Variants in C1orf21 observed in about 807,000 individuals in gnomAD.
The protein encoded by C1orf21 is chromosome 1 open reading frame 21.
A neutral mutation model predicts 18.7 loss-of-function variants in C1orf21; 3 were observed. That is an observed-to-expected ratio of 0.16 (90% CI 0.07 to 0.42). The LOEUF (loss-of-function observed/expected upper bound fraction) is 0.42. Ranked by LOEUF, C1orf21 falls within the 10% of genes least tolerant of loss-of-function variation. C1orf21 has a pLI of 0.99. For synonymous variants in C1orf21, 41 were observed against 46.4 expected, an observed-to-expected ratio of 0.88 and a Z score of 0.47; for missense variants, 104 against 143.6, an observed-to-expected ratio of 0.72 and a Z score of 1.41.
At chr1:184,467,237 A>T (rs1251211235) in intron 1 of C1orf21, among the ~76,000 whole-genome samples, 2 of 152,174 alleles carry the variant, frequency 1.3e-5, no homozygotes, top group African/African-American at 4.8e-5. Context: ...TTGCAGACCT[A>T]CTATGAGCCT....
At chr1:184,454,521 C>T (rs972189287) in intron 1 of C1orf21, among the ~76,000 whole-genome samples, 4 of 152,184 alleles carry the variant, frequency 2.6e-5, no homozygotes, top group Non-Finnish European at 5.9e-5. Context: ...AAACTGTGGT[C>T]CCTGATGTTG....
intron 4 of C1orf21, among the ~76,000 whole-genome samples, chr1:184,596,897 GA>G (rs1439419428): frequency 3.3e-5 from 5 of 150,324 alleles, no homozygotes; most frequent in Non-Finnish European, 5.9e-5. Flanking sequence ...AAGAAAGAAA[GA>G]AAAGAAAAGA....
intron 5 of C1orf21, among the ~76,000 whole-genome samples, chr1:184,614,713 G>T (rs1659792169): frequency 1.3e-5 from 2 of 152,200 alleles, no homozygotes; most frequent in Admixed American, 1.3e-4. Context: ...CAACAAGATG[G>T]TCCCATCTGG....
chr1:184,601,590 G>A (rs1659585177), intron 5 of C1orf21, among the ~76,000 whole-genome samples: 1 of 152,154 alleles, frequency 6.6e-6, no homozygotes, highest in Admixed American at 6.5e-5. Flanking sequence ...TAAAAAGCAG[G>A]TAGCAGAAAT....
intron 1 of C1orf21, among the ~76,000 whole-genome samples, chr1:184,473,583 G>A (rs1014373405): frequency 6.6e-6 from 1 of 152,142 alleles, no homozygotes; most frequent in Non-Finnish European, 1.5e-5. Context: ...CTCAGTGTGA[G>A]GTCTCAGTTG....
intron 5 of C1orf21, among the ~76,000 whole-genome samples, chr1:184,616,426 A>G (rs1238715460): frequency 1.3e-5 from 2 of 152,244 alleles, no homozygotes; most frequent in Non-Finnish European, 2.9e-5. Context: ...CAAAGCAGCT[A>G]ATGCTGTTTT....
chr1:184,598,222 A>G (rs537773784), intron 4 of C1orf21, among the ~76,000 whole-genome samples, 179 bp from the exon 5 acceptor site: 5 of 152,246 alleles, frequency 3.3e-5, no homozygotes, highest in African/African-American at 1.2e-4. Context: ...ACAATTATGA[A>G]ACACATTTGC....
chr1:184,495,937 A>T (rs1657887115), intron 2 of C1orf21, among the ~76,000 whole-genome samples: 1 of 151,724 alleles, frequency 6.6e-6, no homozygotes, highest in Non-Finnish European at 1.5e-5. Flanking sequence ...AAAAAAAAAA[A>T]AAAGATATGG....
At chr1:184,533,288 T>C (rs1658497630) in intron 3 of C1orf21, among the ~76,000 whole-genome samples, 1 of 152,118 alleles carries the variant, frequency 6.6e-6, no homozygotes, top group African/African-American at 2.4e-5. Context: ...TGGAACCCTA[T>C]ACTTCCCCTT....
chr1:184,486,511 A>G (rs1383426884), intron 2 of C1orf21, among the ~76,000 whole-genome samples: 1 of 152,172 alleles, frequency 6.6e-6, no homozygotes, highest in Non-Finnish European at 1.5e-5. Context: ...TGTTATAAAT[A>G]GTAGATGGGC....
intron 5 of C1orf21, among the ~76,000 whole-genome samples, chr1:184,601,323 A>G (rs74836557): frequency 5.9e-5 from 9 of 152,310 alleles, no homozygotes; most frequent in Non-Finnish European, 1.0e-4. Context: ...TCTTTAGGGC[A>G]TGGCTTGAAT....
chr1:184,477,389 C>T lies in C1orf21; in HGVS notation c.-121C>T, dbSNP rs1274120679. 1.1e-5 allele frequency: 8 copies of T among 709,544 alleles called. No individual in the cohort carries two copies. Among genetic ancestry groups the T allele is most frequent in the Non-Finnish European group, 1.7e-5 (7 of 424,114 alleles). 44.0% of individuals were successfully genotyped at this position (709,544 alleles called of 1,614,324 possible). A position where few individuals can be genotyped will look rare whatever the true frequency, so the allele number is the denominator to read the frequency against. On this transcript the variant is annotated 5_prime_UTR_variant, in exon 2 of 6. Transcript: ENST00000235307. ...ATCTAGCTTTCTTTTCTTGCAGGTG[C>T]ACACATCTTGACCAACTCAGCAGCA...
intron 1 of C1orf21, among the ~76,000 whole-genome samples, chr1:184,455,078 A>G (rs1657178284): frequency 6.6e-6 from 1 of 152,146 alleles, no homozygotes; most frequent in East Asian, 1.9e-4. Flanking sequence ...GTGAATCTGC[A>G]TTTCTGATCA....
chr1:184,415,696 G>A (rs1389562179), intron 1 of C1orf21, among the ~76,000 whole-genome samples: 1 of 152,086 alleles, frequency 6.6e-6, no homozygotes, highest in Non-Finnish European at 1.5e-5. Flanking sequence ...ATATTTTTAG[G>A]TATTAGTTAC....
intron 3 of C1orf21, among the ~76,000 whole-genome samples, chr1:184,570,062 T>C (rs1034916567): frequency 1.3e-5 from 2 of 152,210 alleles, no homozygotes; most frequent in African/African-American, 4.8e-5. Context: ...TTATGTAATA[T>C]CATTCTGCCT....
At chr1:184,432,642 A>G (rs1001541501) in intron 1 of C1orf21, among the ~76,000 whole-genome samples, 4 of 151,950 alleles carry the variant, frequency 2.6e-5, no homozygotes, top group African/African-American at 9.7e-5. Flanking sequence ...CGTTCTCCAC[A>G]TGTATCTCAG....
At chr1:184,474,031 TA>T (rs1206006636) in intron 1 of C1orf21, among the ~76,000 whole-genome samples, 1 of 152,180 alleles carries the variant, frequency 6.6e-6, no homozygotes, top group Non-Finnish European at 1.5e-5. Flanking sequence ...AATGACATAG[TA>T]AAAAACTTTC....
chr1:184,554,683 A>T (rs1444301111), intron 3 of C1orf21, among the ~76,000 whole-genome samples: 1 of 152,228 alleles, frequency 6.6e-6, no homozygotes, highest in African/African-American at 2.4e-5. Context: ...AATTCAAGGA[A>T]ATCTGTATAA....
At chr1:184,585,268 A>T in intron 3 of C1orf21, among the ~76,000 whole-genome samples, 1 of 152,114 alleles carries the variant, frequency 6.6e-6, no homozygotes, top group Non-Finnish European at 1.5e-5. Flanking sequence ...TGCTTTTCTC[A>T]TGGTGTTGAC....
Sources: allele counts gnomAD v4.1 joint callset (sites outside exome capture counted in the v4.1 genomes callset), GRCh38; gene constraint gnomAD v4.1.1; transcripts MANE v1.5; gene names NCBI Gene and HGNC (gene_info 2026-07-23, HGNC 2026-07-21).